Variants in CDH20 observed in about 807,000 individuals in gnomAD.
CDH20 encodes the protein cadherin 20.
CDH20 carries 29 observed loss-of-function variants against 74.2 expected under a neutral mutation model. The ratio of observed to expected loss-of-function variants is 0.39; its 90% CI spans 0.29 to 0.53. The LOEUF is 0.53. Among genes scored for constraint, CDH20 ranks in the 20% least tolerant of loss-of-function variants. The probability of loss-of-function intolerance (pLI) is 0.69; values close to 1 mark genes in which losing one functional copy is unlikely to be tolerated. For synonymous variants in CDH20, 469 were observed against 405.4 expected (o/e 1.16, Z -1.88); for missense variants, 988 against 1,048.3 (o/e 0.94, Z 0.79).
chr18:61,448,613 G>A (rs994930990), intron 1 of CDH20, among the ~76,000 whole-genome samples: 18 of 152,088 alleles, frequency 1.2e-4, no homozygotes, highest in African/African-American at 2.7e-4. Context: ...TCCCTGAATC[G>A]AGCTGAATTG....
At chr18:61,439,847 T>C (rs1326531473) in intron 1 of CDH20, among the ~76,000 whole-genome samples, 1 of 151,984 alleles carries the variant, frequency 6.6e-6, no homozygotes, top group East Asian at 1.9e-4. Context: ...GTCAGGTGAG[T>C]TGGCTAAGGA....
intron 1 of CDH20, among the ~76,000 whole-genome samples, chr18:61,385,581 T>TG (rs1158797492): frequency 7.0e-6 from 1 of 142,686 alleles, no homozygotes; most frequent in Non-Finnish European, 1.5e-5. Context: ...AAAAAAAATT[T>TG]GGGGAAAAAA....
At chr18:61,463,793 G>A (rs982356419) in intron 1 of CDH20, among the ~76,000 whole-genome samples, 8 of 152,122 alleles carry the variant, frequency 5.3e-5, no homozygotes, top group East Asian at 3.9e-4. Context: ...CAGGGGTGAC[G>A]AAGATTCCAG....
intron 6 of CDH20, among the ~76,000 whole-genome samples, chr18:61,514,919 C>T (rs1354918643): frequency 2.0e-5 from 3 of 151,406 alleles, no homozygotes; most frequent in Non-Finnish European, 4.4e-5. Flanking sequence ...CAGACAGGGA[C>T]ATTTAAGTCT....
intron 2 of CDH20, among the ~76,000 whole-genome samples, chr18:61,492,029 C>T (rs1330958381): frequency 6.6e-6 from 1 of 152,098 alleles, no homozygotes; most frequent in African/African-American, 2.4e-5. Flanking sequence ...ATGTCTATGC[C>T]AATGAATGCA....
At chr18:61,445,596 T>C (rs1018096805) in intron 1 of CDH20, among the ~76,000 whole-genome samples, 1 of 152,300 alleles carries the variant, frequency 6.6e-6, no homozygotes, top group Admixed American at 6.5e-5. Flanking sequence ...ACATAAGTGG[T>C]CAAAGATTTG....
chr18:61,505,910 G>A (rs928745522), intron 5 of CDH20, among the ~76,000 whole-genome samples: 1 of 152,072 alleles, frequency 6.6e-6, no homozygotes, highest in African/African-American at 2.4e-5. Flanking sequence ...AGATGACCTT[G>A]ATATTCCATA....
chr18:61,383,906 C>T (rs1911515437), intron 1 of CDH20, among the ~76,000 whole-genome samples: 1 of 152,142 alleles, frequency 6.6e-6, no homozygotes, highest in South Asian at 2.1e-4. Context: ...AAGAACGGGA[C>T]ATGATTCAAA....
chr18:61,500,550 T>G, intron 4 of CDH20, 48 bp downstream of exon 4: 1 of 1,575,200 alleles, frequency 6.3e-7, no homozygotes, highest in Non-Finnish European at 8.6e-7. Flanking sequence ...CCTGATAATT[T>G]ATAACTGCTG....
At chr18:61,530,252 G>T (rs1031158615) in intron 7 of CDH20, among the ~76,000 whole-genome samples, 19 of 152,176 alleles carry the variant, frequency 1.2e-4, no homozygotes, top group African/African-American at 4.6e-4. Flanking sequence ...AACACTGGGG[G>T]TCCTAGACTC....
chr18:61,443,890 G>A (rs965734516), intron 1 of CDH20, among the ~76,000 whole-genome samples: 8 of 152,176 alleles, frequency 5.3e-5, no homozygotes, highest in Admixed American at 3.9e-4. Context: ...TACAACACTG[G>A]TAGGGATCTG....
chr18:61,395,073 T>A (rs1187233400), intron 1 of CDH20, among the ~76,000 whole-genome samples: 1 of 152,084 alleles, frequency 6.6e-6, no homozygotes, highest in Non-Finnish European at 1.5e-5. Context: ...TCAAGACTAC[T>A]TCTTCCTCTT....
At chr18:61,399,425 T>C (rs574509067) in intron 1 of CDH20, among the ~76,000 whole-genome samples, 2 of 152,312 alleles carry the variant, frequency 1.3e-5, no homozygotes, top group East Asian at 1.9e-4. Context: ...CATATGGAAA[T>C]GATATCTCCC....
intron 1 of CDH20, among the ~76,000 whole-genome samples, chr18:61,402,822 T>C (rs74842083): frequency 2.0e-4 from 31 of 152,326 alleles, no homozygotes; most frequent in African/African-American, 7.5e-4. Flanking sequence ...AACATTTTTT[T>C]ACACCAGAAA....
chr18:61,442,386 A>G (rs1056169252), intron 1 of CDH20, among the ~76,000 whole-genome samples: 47 of 140,376 alleles, frequency 3.3e-4, no homozygotes, highest in African/African-American at 1.2e-3. Flanking sequence ...AAAAAAAAAC[A>G]GAAGCAAATG....
intron 1 of CDH20, among the ~76,000 whole-genome samples, chr18:61,351,601 A>G (rs750493530): frequency 2.0e-5 from 3 of 152,128 alleles, no homozygotes; most frequent in Non-Finnish European, 4.4e-5. Context: ...GTTTGCCTCT[A>G]TGTTACTTTT....
intron 6 of CDH20, among the ~76,000 whole-genome samples, chr18:61,527,671 G>A (rs1912476830): frequency 6.6e-6 from 1 of 152,122 alleles, no homozygotes; most frequent in Non-Finnish European, 1.5e-5. Context: ...GGGTAGACAA[G>A]TTAAAGCCAA....
chr18:61,525,974 T>C lies in CDH20; in HGVS notation c.1018-1993T>C, dbSNP rs1912385661. ...CACCACACCCAGCTAATTTTTTTTTTTTTTTTTTTTTTTTTGGTAGCGATG... is the reference window on the plus strand; with the variant it reads ...CACCACACCCAGCTAATTTTTTTTTCTTTTTTTTTTTTTTTGGTAGCGATG... On this transcript the variant is annotated intron_variant, in intron 6 of 11. Coordinates refer to ENST00000262717, the MANE Select transcript of CDH20 (RefSeq NM_031891.4). Among the ~76,000 whole-genome samples the C allele has an allele frequency of 2.1e-5, 3 of 144,554 alleles. No homozygotes were observed. The South Asian group carries it at 6.8e-4, about 33-fold the overall frequency. 94.8% of individuals were successfully genotyped at this position (144,554 alleles called of 152,430 possible).
intron 1 of CDH20, among the ~76,000 whole-genome samples, chr18:61,350,516 A>T (rs956629948): frequency 6.6e-6 from 1 of 152,148 alleles, no homozygotes; most frequent in African/African-American, 2.4e-5. Flanking sequence ...ACTAGAACTT[A>T]TTATTATCTT....
Sources: allele counts gnomAD v4.1 joint callset (sites outside exome capture counted in the v4.1 genomes callset), GRCh38; gene constraint gnomAD v4.1.1; transcripts MANE v1.5; gene names NCBI Gene and HGNC (gene_info 2026-07-23, HGNC 2026-07-21).